DENND2B: variants seen among roughly 807,000 people sequenced by gnomAD.
The protein encoded by DENND2B is DENN domain containing 2B.
Under a neutral mutation model 116.0 loss-of-function variants are expected in DENND2B, and 32 were observed. That is an observed-to-expected ratio of 0.28 (90% CI 0.21 to 0.37). The LOEUF (loss-of-function observed/expected upper bound fraction) is 0.37. Ranked by LOEUF, DENND2B falls within the 10% of genes least tolerant of loss-of-function variation. The pLI is 1.00. For missense variants in DENND2B, 1,276 were observed against 1,477.7 expected (o/e 0.86, Z 2.24); for synonymous variants, 588 against 583.9 (o/e 1.01, Z -0.10).
chr11:8,760,760 C>G (rs2054466337), intron 1 of DENND2B, among the ~76,000 whole-genome samples: 1 of 152,178 alleles, frequency 6.6e-6, no homozygotes, highest in South Asian at 2.1e-4. Flanking sequence ...CATTCCAGCC[C>G]CAGGTCCAGA....
At chr11:8,699,188 C>G (rs140997963) in intron 15 of DENND2B, 25 bp downstream of exon 15, 17,311 of 1,541,028 alleles carry the variant, frequency 0.011, 140 homozygotes, top group Non-Finnish European at 0.012. Context: ...ACCCTTCCCC[C>G]CAGCTGGTTC....
At position 8,735,239 on chromosome 11, in the gene DENND2B, G is replaced by A. The variant is rs574216854; in HGVS notation, c.81-4030C>T. ...CCACCTGGAATGCTGCCCTGACACC[G>A]TCACATAAGGAAGCCAGTCTAGTCT... is the stretch of plus-strand genomic sequence containing the variant. On this transcript the variant is annotated intron_variant, in intron 2 of 19. Transcript: ENST00000313726. Among the ~76,000 whole-genome samples the A allele has an allele frequency of 3.3e-5, 5 of 152,234 alleles. No homozygotes were observed. In the South Asian group the frequency reaches 6.2e-4, roughly 19 times the overall value.
At chr11:8,818,748 T>G (rs137884837) in intron 4 of DENND2B, among the ~76,000 whole-genome samples, 54 of 152,316 alleles carry the variant, frequency 3.5e-4, no homozygotes, top group Admixed American at 1.9e-3. Context: ...AATTCTAGCT[T>G]AGGGCTGTGT....
At chr11:8,854,348 T>C (rs781616096) in intron 3 of DENND2B, among the ~76,000 whole-genome samples, 3 of 151,930 alleles carry the variant, frequency 2.0e-5, no homozygotes, top group Non-Finnish European at 4.4e-5. Flanking sequence ...ATTACAGGCG[T>C]GCACCACCAC....
chr11:8,802,746 T>C (rs1003991788), intron 1 of DENND2B, among the ~76,000 whole-genome samples: 2 of 152,114 alleles, frequency 1.3e-5, no homozygotes, highest in African/African-American at 4.8e-5. Flanking sequence ...TTCAAAGACC[T>C]GGTCTAAGGC....
chr11:8,777,204 A>C (rs1216371538), intron 1 of DENND2B, among the ~76,000 whole-genome samples: 1 of 152,148 alleles, frequency 6.6e-6, no homozygotes, highest in Admixed American at 6.5e-5. Context: ...CCTGGAGAGA[A>C]GCAGCTGCTA....
chr11:8,906,204 T>C (rs998726626), intron 1 of DENND2B, among the ~76,000 whole-genome samples: 5 of 123,052 alleles, frequency 4.1e-5, no homozygotes, highest in African/African-American at 1.4e-4. Context: ...GTCTTTTTTT[T>C]CTTTTTTTTT....
intron 11 of DENND2B, among the ~76,000 whole-genome samples, chr11:8,709,024 T>A (rs1314521055): frequency 6.6e-6 from 1 of 150,888 alleles, no homozygotes; most frequent in Admixed American, 6.6e-5. Flanking sequence ...GGAGCCCCCA[T>A]GCAGGCTGCA....
At position 8,702,420 on chromosome 11, in the gene DENND2B, G is replaced by A; in HGVS notation, c.2720+152C>T. ...CCTGCTCCCTCACCCACACAGGGGT[G>A]CTACCTTTCCACCTAGTCTTCCATC... On this transcript the variant is annotated intron_variant, in intron 14 of 19. Transcript: ENST00000313726. This position sits in a 1 kb window ranked among gnomAD's most constrained non-coding sequence, Gnocchi z 4.6. 2 of 1,140,320 alleles carry A rather than the reference G, an allele frequency of 1.8e-6. No individual in the cohort carries two copies. The highest frequency in any genetic ancestry group is 3.0e-5 in the South Asian group (2 of 66,436). The allele number at this position is 1,140,320 out of a possible 1,614,324, so 70.6% of individuals were successfully genotyped here. A position where few individuals can be genotyped will look rare whatever the true frequency, so the allele number is the denominator to read the frequency against.
chr11:8,718,428 C>T, intron 4 of DENND2B: 3 of 1,524,582 alleles, frequency 2.0e-6, no homozygotes, highest in Non-Finnish European at 2.6e-6. Flanking sequence ...CCCTTCTCAC[C>T]TACGATGCCG....
chr11:8,737,937 G>A (rs1221046782), intron 2 of DENND2B, among the ~76,000 whole-genome samples: 1 of 148,738 alleles, frequency 6.7e-6, no homozygotes, highest in African/African-American at 2.5e-5. Flanking sequence ...TTTCACAGAT[G>A]GGGGTCTCAC....
In DENND2B at chr11:8,906,508, T is replaced by TTAAAA. The variant is rs1566095956; in HGVS notation, c.-256+4312_-256+4313insTTTTA. 7.0e-3 allele frequency among the ~76,000 whole-genome samples: 470 copies of TTAAAA among 67,500 alleles called. 6 individuals carry two copies. Among genetic ancestry groups the TTAAAA allele is most frequent in the African/African-American group, 0.018 (450 of 25,130 alleles). The allele number at this position is 67,500 out of a possible 152,430, so 44.3% of individuals were successfully genotyped here. ...GCCACCGCGCCCAGCCAAGAAGTCT[T>TTAAAA]CAAAAAAAAAAAAAAAAAAACTCTA... On this transcript the variant is annotated intron_variant, in intron 1 of 22. Coordinates refer to the DENND2B transcript ENST00000534127.
chr11:8,852,185 T>G (rs151006982), intron 3 of DENND2B, among the ~76,000 whole-genome samples: 1 of 152,198 alleles, frequency 6.6e-6, no homozygotes, highest in South Asian at 2.1e-4. Flanking sequence ...ACAAGCTACA[T>G]GCAATTTCGG....
chr11:8,830,914 TAAG>T (rs1360246745), intron 4 of DENND2B: 1 of 152,210 alleles, frequency 6.6e-6, no homozygotes, highest in African/African-American at 2.4e-5. Flanking sequence ...AAGAGACACA[TAAG>T]AAAGAAAAGC....
chr11:8,693,806 C>A lies in DENND2B; in HGVS notation c.*290G>T. Reference sequence around the variant, plus strand: ...ACAAAACTGGCCAGTCACGAGCACCCAGCGAAACTTCATCCATGCTCTGGC... The same window carrying A: ...ACAAAACTGGCCAGTCACGAGCACCAAGCGAAACTTCATCCATGCTCTGGC... On this transcript the variant is annotated 3_prime_UTR_variant, in exon 20 of 20. Transcript: ENST00000313726. The A allele has an allele frequency of 2.9e-6, 1 of 343,384 alleles. No homozygotes were observed. Among genetic ancestry groups the A allele is most frequent in the Non-Finnish European group, 5.3e-6 (1 of 187,346 alleles). 21.3% of individuals were successfully genotyped at this position (343,384 alleles called of 1,614,324 possible).
chr11:8,880,728 C>G (rs2063895771), intron 2 of DENND2B, among the ~76,000 whole-genome samples: 1 of 152,158 alleles, frequency 6.6e-6, no homozygotes, highest in Non-Finnish European at 1.5e-5. Flanking sequence ...AACTGACAGG[C>G]TTCACTACAA....
upstream of DENND2B, among the ~76,000 whole-genome samples, chr11:8,874,622 A>AT (rs1466808102): frequency 6.6e-6 from 1 of 152,112 alleles, no homozygotes; most frequent in African/African-American, 2.4e-5. Context: ...ATATGTATTC[A>AT]TTAAAGGGGC....
intron 2 of DENND2B, among the ~76,000 whole-genome samples, chr11:8,867,885 A>G (rs2063640570): frequency 2.0e-5 from 3 of 152,058 alleles, no homozygotes; most frequent in Admixed American, 2.0e-4. Context: ...ACCTGGCCAA[A>G]ATTCAGCATT....
intron 13 of DENND2B, among the ~76,000 whole-genome samples, chr11:8,703,956 C>A (rs2133740869): frequency 6.6e-6 from 1 of 152,302 alleles, no homozygotes; most frequent in East Asian, 1.9e-4. Context: ...TGCTCCAGGC[C>A]CTGTCCCCGC....
Sources: allele counts gnomAD v4.1 joint callset (sites outside exome capture counted in the v4.1 genomes callset), GRCh38; gene constraint gnomAD v4.1.1; non-coding constraint Gnocchi (gnomAD v3.1); transcripts MANE v1.5; gene names NCBI Gene and HGNC (gene_info 2026-07-23, HGNC 2026-07-21).